Variants in CDR2L observed in about 807,000 individuals in gnomAD.
CDR2L encodes cerebellar degeneration-related protein 2-like.
In CDR2L, 19 loss-of-function variants were observed where a neutral mutation model predicts 36.1. That is an observed-to-expected ratio of 0.53 (90% confidence interval 0.37 to 0.77). CDR2L has a LOEUF of 0.77. CDR2L is among the 30% of genes least tolerant of loss of function. The pLI is 0.00. For synonymous variants in CDR2L, 285 were observed against 280.4 expected (o/e 1.02, Z -0.16); for missense variants, 575 against 627.2 (o/e 0.92, Z 0.89).
chr17:75,003,726 G>A lies in CDR2L; in HGVS notation c.1050G>A (p.Met350Ile). Residue 350 changes from methionine (M) to isoleucine (I), a missense_variant, in exon 5 of 5, where the codon ATG becomes ATA. Coordinates refer to ENST00000337231, the MANE Select transcript of CDR2L (RefSeq NM_014603.3). The stretch of plus-strand genomic sequence containing the variant: ...CCAACAGCGTGCGCAAGCGGGGCAT[G>A]TCCATCCTGCGGGAGGTGGACGAGC... ...LHANSVRKRG[M>I]SILREVDEQY... 1.4e-6 allele frequency: 2 copies of A among 1,471,956 alleles called. No individual in the cohort carries two copies. The highest frequency in any genetic ancestry group is 2.6e-5 in the Admixed American group (1 of 39,146). The allele number at this position is 1,471,956 out of a possible 1,614,324, so 91.2% of individuals were successfully genotyped here.
rs773264530 is a variant in CDR2L, at chr17:75,001,486, A to T, written c.338A>T (p.His113Leu). 2.6e-5 allele frequency: 40 copies of T among 1,561,100 alleles called. No individual in the cohort carries two copies. The East Asian group carries it at 7.5e-4, about 29-fold the overall frequency. The change falls in exon 3 of 5, where the codon CAT becomes CTT. Residue 113 changes from histidine to leucine, a missense_variant. Physicochemically the swap from His to Leu is moderately conservative, Grantham distance 99 (BLOSUM62 -3). Coordinates refer to ENST00000337231, the MANE Select transcript of CDR2L (RefSeq NM_014603.3). ...LESKAAQQKIHGLTETIERLQ... is the reference protein window; with the variant it reads ...LESKAAQQKILGLTETIERLQ... Reference sequence around the variant, plus strand: ...AGTAAGGCTGCCCAGCAGAAGATCCATGGGTGAGGGCCCGGCTGAGGGCTG... The same window carrying T: ...AGTAAGGCTGCCCAGCAGAAGATCCTTGGGTGAGGGCCCGGCTGAGGGCTG...
chr17:74,999,543 A>G lies in CDR2L; in HGVS notation c.119A>G (p.Glu40Gly), dbSNP rs2039851994. ...GCGGAGCTGGGGAAGACTCTGCTGG[A>G]GAGGAACAAGGAGCTGGAGGGGTCC... ...LAAELGKTLLERNKELEGSLQ... is the reference protein window; with the variant it reads ...LAAELGKTLLGRNKELEGSLQ... Residue 40 changes from glutamate to glycine, a missense_variant, in exon 2 of 5, where the codon GAG becomes GGG. Transcript: ENST00000337231. 3.8e-6 allele frequency: 6 copies of G among 1,588,592 alleles called. No homozygotes were observed. Among genetic ancestry groups the G allele is most frequent in the Non-Finnish European group, 3.4e-6 (4 of 1,167,818 alleles).
rs1456531616 is a variant in CDR2L at position 74,987,733 on chromosome 17, C to A, written c.-311C>A. On this transcript the variant is annotated 5_prime_UTR_variant, in exon 1 of 5. Transcript: ENST00000337231. The stretch of plus-strand genomic sequence containing the variant: ...CCACGGCACCCGCGCGCTCCTAGCG[C>A]CCCAGACCCGCCTGCGGGCCCGGAT... 5.8e-6 allele frequency: 1 copy of A among 171,896 alleles called. No individual in the cohort carries two copies. The highest frequency in any genetic ancestry group is 2.4e-5 in the African/African-American group (1 of 42,092). 10.6% of individuals were successfully genotyped at this position (171,896 alleles called of 1,614,324 possible). A position where few individuals can be genotyped will look rare whatever the true frequency, so the allele number is the denominator to read the frequency against.
chr17:75,004,223 G>A lies in CDR2L; in HGVS notation c.*149G>A, dbSNP rs779617666. The A allele has an allele frequency of 2.3e-5, 16 of 688,736 alleles. No individual in the cohort carries two copies. The highest frequency in any genetic ancestry group is 3.9e-5 in the South Asian group (2 of 51,400). 42.7% of individuals were successfully genotyped at this position (688,736 alleles called of 1,614,324 possible). On this transcript the variant is annotated 3_prime_UTR_variant, in exon 5 of 5. Transcript: ENST00000337231. ...TCCGGAAGCACGCAGCATGTTCCCT[G>A]CTGAGCGGAGGCAGCCCACCTGTCC...
At position 75,005,509 on chromosome 17, in the gene CDR2L, C is replaced by G. The variant is rs1316869285; in HGVS notation, c.*1435C>G. The G allele has an allele frequency of 3.9e-5, 6 of 152,816 alleles. No individual in the cohort carries two copies. The highest frequency in any genetic ancestry group is 3.3e-4 in the Admixed American group (5 of 15,286). The allele number at this position is 152,816 out of a possible 1,614,324, so 9.5% of individuals were successfully genotyped here. On this transcript the variant is annotated 3_prime_UTR_variant, in exon 5 of 5. Coordinates refer to ENST00000337231, the MANE Select transcript of CDR2L (RefSeq NM_014603.3). This position sits in a 1 kb window ranked among gnomAD's most constrained non-coding sequence, Gnocchi z 4.2. ...CATCCCTGACCTCCTGGAGACACCACCTGCTTTCCGGGCGGCACTGTGATG... is the reference window on the plus strand; with the variant it reads ...CATCCCTGACCTCCTGGAGACACCAGCTGCTTTCCGGGCGGCACTGTGATG...
In CDR2L at chr17:75,002,837, T is replaced by G. The variant is rs2039875169; in HGVS notation, c.507-346T>G. On this transcript the variant is annotated intron_variant, in intron 4 of 4. Coordinates refer to ENST00000337231, the MANE Select transcript of CDR2L (RefSeq NM_014603.3). The surrounding 1 kb of genome is among the most constrained non-coding windows in gnomAD (Gnocchi z 4.1). ...GGAGGTTACCGGCACCTGGAAGGTA[T>G]GGAGAAGGCTGCCTGGTCACCATTA... 6.6e-6 allele frequency among the ~76,000 whole-genome samples: 1 copy of G among 152,000 alleles called. No individual in the cohort carries two copies. The highest frequency in any genetic ancestry group is 1.5e-5 in the Non-Finnish European group (1 of 67,984).
intron 1 of CDR2L, among the ~76,000 whole-genome samples, chr17:74,996,652 G>A (rs1260716079): frequency 6.6e-6 from 1 of 151,606 alleles, no homozygotes; most frequent in Non-Finnish European, 1.5e-5. Context: ...CCTAAAAACA[G>A]ACAGATTCCC....
At position 75,001,441 on chromosome 17, in the gene CDR2L, A is replaced by G. The variant is rs1240617116; in HGVS notation, c.293A>G (p.Asn98Ser). 4 of 1,603,602 alleles carry G rather than the reference A, an allele frequency of 2.5e-6. No individual in the cohort carries two copies. Among genetic ancestry groups the G allele is most frequent in the Non-Finnish European group, 3.4e-6 (4 of 1,175,916 alleles). The stretch of plus-strand genomic sequence containing the variant: ...ACAGCCCGGGACCTGGAGCTGACCA[A>G]CCACAGGCTGGTGCTGGAGAGTAAG... Reference protein sequence around the residue: ...DLTARDLELTNHRLVLESKAA... With the variant: ...DLTARDLELTSHRLVLESKAA... Residue 98 changes from asparagine (N) to serine (S), a missense_variant, in exon 3 of 5, where the codon AAC becomes AGC. Transcript: ENST00000337231.
chr17:74,999,583 C>T lies in CDR2L; in HGVS notation c.159C>T (p.Tyr53=), dbSNP rs1384427421. 6.3e-7 allele frequency: 1 copy of T among 1,584,534 alleles called. No homozygotes were observed. The highest frequency in any genetic ancestry group is 2.3e-5 in the East Asian group (1 of 43,418). The change falls in exon 2 of 5, where the codon TAC becomes TAT. Residue 53 remains tyrosine (Y), a synonymous_variant. Transcript: ENST00000337231. ...TGGAGGGGTCCCTGCAGCAGATGTA[C>T]TCCACCAATGAGGAACAGGTGCAGG... The part of the protein sequence containing the change: ...KELEGSLQQM[Y]STNEEQVQEI...
intron 1 of CDR2L, among the ~76,000 whole-genome samples, chr17:74,992,473 T>A (rs1835417219): frequency 6.6e-6 from 1 of 151,732 alleles, no homozygotes; most frequent in South Asian, 2.1e-4. Context: ...GTTACTCCAC[T>A]TTCACTTCCT....
At position 75,003,323 on chromosome 17, in the gene CDR2L, C is replaced by T; in HGVS notation, c.647C>T (p.Ala216Val). 2 of 1,555,020 alleles carry T rather than the reference C, an allele frequency of 1.3e-6. No individual in the cohort carries two copies. Among genetic ancestry groups the T allele is most frequent in the East Asian group, 2.4e-5 (1 of 41,230 alleles). ...VSQERQRKER[A>V]EREYTAVLQE... ...CAGGAGCGGCAGCGCAAGGAGCGGGCGGAGCGCGAGTACACCGCGGTGCTG... is the reference window on the plus strand; with the variant it reads ...CAGGAGCGGCAGCGCAAGGAGCGGGTGGAGCGCGAGTACACCGCGGTGCTG... The change falls in exon 5 of 5, where the codon GCG (alanine) becomes GTG (valine). Residue 216 changes from alanine (A) to valine (V), a missense_variant. Physicochemically the swap from Ala to Val is moderately conservative, Grantham distance 64. Transcript: ENST00000337231.
intron 1 of CDR2L, among the ~76,000 whole-genome samples, chr17:74,991,959 G>A (rs967694889): frequency 6.6e-6 from 1 of 152,102 alleles, no homozygotes; most frequent in African/African-American, 2.4e-5. Flanking sequence ...CGGGAGGGAG[G>A]TCCTGCCTCC....
At chr17:74,997,072 C>T (rs7223742) in intron 1 of CDR2L, among the ~76,000 whole-genome samples, 306 of 3,318 alleles carry the variant, frequency 0.092, 9 homozygotes, top group Non-Finnish European at 0.3. Context: ...TTCTTTCTTT[C>T]TTTCTTTCTT....
intron 1 of CDR2L, among the ~76,000 whole-genome samples, chr17:74,996,350 A>AGGAAAATAGCTTGAACCC (rs1475953852): frequency 6.6e-6 from 1 of 150,526 alleles, no homozygotes; most frequent in Non-Finnish European, 1.5e-5. Context: ...AGGCTGAGGC[A>AGGAAAATAGCTTGAACCC]GGAAAATAGC....
chr17:75,001,462 G>A lies in CDR2L; in HGVS notation c.314G>A (p.Ser105Asn). The A allele has an allele frequency of 6.3e-7, 1 of 1,586,640 alleles. No individual in the cohort carries two copies. The highest frequency in any genetic ancestry group is 1.8e-5 in the Admixed American group (1 of 54,432). Residue 105 changes from serine (S) to asparagine (N), a missense_variant, in exon 3 of 5, where the codon AGT (serine) becomes AAT (asparagine). Ser to Asn is a conservative substitution (Grantham distance 46). Transcript: ENST00000337231. Reference sequence around the variant, plus strand: ...ACCAACCACAGGCTGGTGCTGGAGAGTAAGGCTGCCCAGCAGAAGATCCAT... The same window carrying A: ...ACCAACCACAGGCTGGTGCTGGAGAATAAGGCTGCCCAGCAGAAGATCCAT... ...ELTNHRLVLE[S>N]KAAQQKIHGL...
At chr17:74,990,525 T>C (rs1003702052) in intron 1 of CDR2L, among the ~76,000 whole-genome samples, 17 of 152,194 alleles carry the variant, frequency 1.1e-4, no homozygotes, top group Non-Finnish European at 2.9e-5. Flanking sequence ...TCTGCAGCTG[T>C]AGGCCCAGCA....
rs1206621282 is a variant in CDR2L at position 75,003,320 on chromosome 17, G to T, written c.644G>T (p.Arg215Leu). Residue 215 changes from arginine to leucine, a missense_variant, in exon 5 of 5, where the codon CGG (arginine) becomes CTG (leucine). Transcript: ENST00000337231. ...QVSQERQRKERAEREYTAVLQ... is the reference protein window; with the variant it reads ...QVSQERQRKELAEREYTAVLQ... Reference sequence around the variant, plus strand: ...AGCCAGGAGCGGCAGCGCAAGGAGCGGGCGGAGCGCGAGTACACCGCGGTG... The same window carrying T: ...AGCCAGGAGCGGCAGCGCAAGGAGCTGGCGGAGCGCGAGTACACCGCGGTG... The T allele has an allele frequency of 3.2e-6, 5 of 1,555,068 alleles. No individual in the cohort carries two copies. The highest frequency in any genetic ancestry group is 1.4e-5 in the African/African-American group (1 of 73,294).
intron 1 of CDR2L, among the ~76,000 whole-genome samples, chr17:74,997,262 G>A (rs1225077752): frequency 6.6e-6 from 1 of 151,784 alleles, no homozygotes; most frequent in Non-Finnish European, 1.5e-5. Context: ...TATTTTTAGT[G>A]GAGATAGGAT....
At chr17:74,997,949 G>A (rs974388416) in intron 1 of CDR2L, among the ~76,000 whole-genome samples, 3 of 150,304 alleles carry the variant, frequency 2.0e-5, no homozygotes, top group Non-Finnish European at 4.4e-5. Context: ...TACCGGGCAC[G>A]GTGGCTCACG....
Sources: gnomAD v4.1 joint callset for allele counts (sites outside exome capture counted in the v4.1 genomes callset) on GRCh38, gnomAD v4.1.1 for gene constraint, Gnocchi (gnomAD v3.1) non-coding constraint, MANE v1.5 for transcripts, NCBI Gene and HGNC (gene_info 2026-07-23, HGNC 2026-07-21) for gene names.